The following PTPRD variants were observed in gnomAD, a reference collection of about 807,000 sequenced individuals.
The protein encoded by PTPRD is protein tyrosine phosphatase receptor type D.
A neutral mutation model predicts 214.5 loss-of-function variants in PTPRD; 34 were observed. That is an observed-to-expected ratio of 0.16 (90% confidence interval 0.12 to 0.21). The LOEUF is 0.21. Among genes scored for constraint, PTPRD ranks in the 10% least tolerant of loss-of-function variants. The pLI is 1.00. For synonymous variants in PTPRD, 1,128 were observed against 845.7 expected, an observed-to-expected ratio of 1.33 and a Z score of -5.79; for missense variants, 2,545 against 2,398.7, an observed-to-expected ratio of 1.06 and a Z score of -1.27.
rs1567062623 is a variant in PTPRD, at chr9:8,929,819, G to GTGTGTGTATATATGTGTGTGTATATATC, written c.-104+88877_-104+88878insGATATATACACACACATATATACACACA. On this transcript the variant is annotated intron_variant, in intron 11 of 45. Transcript: ENST00000381196. ...TGTGTGTATATATGTGTATATATAT[G>GTGTGTGTATATATGTGTGTGTATATATC]TGTATATATATGTGTATATATATGT... Among the ~76,000 whole-genome samples the GTGTGTGTATATATGTGTGTGTATATATC allele has an allele frequency of 4.4e-3, 332 of 75,690 alleles. 32 individuals carry two copies. The highest frequency in any genetic ancestry group is 0.014 in the African/African-American group (309 of 22,270). 49.7% of individuals were successfully genotyped at this position (75,690 alleles called of 152,430 possible).
chr9:8,456,129 A>G (rs533301618), intron 33 of PTPRD, among the ~76,000 whole-genome samples: 3 of 152,256 alleles, frequency 2.0e-5, no homozygotes, highest in Non-Finnish European at 2.9e-5. Flanking sequence ...TAATTATTCA[A>G]TATTTTTGTG....
At chr9:8,756,397 G>A (rs937898697) in intron 11 of PTPRD, among the ~76,000 whole-genome samples, 2 of 152,100 alleles carry the variant, frequency 1.3e-5, no homozygotes, top group African/African-American at 2.4e-5. Flanking sequence ...TTGTGTGAAA[G>A]TACATATATG....
At chr9:9,803,036 C>A (rs1450081871) in intron 5 of PTPRD, among the ~76,000 whole-genome samples, 1 of 151,820 alleles carries the variant, frequency 6.6e-6, no homozygotes, top group Non-Finnish European at 1.5e-5. Flanking sequence ...TCTGATCCAG[C>A]AAAACCTAAG....
intron 14 of PTPRD, among the ~76,000 whole-genome samples, chr9:8,573,507 T>C (rs904095991): frequency 6.6e-6 from 1 of 151,994 alleles, no homozygotes; most frequent in Non-Finnish European, 1.5e-5. Context: ...TCTGGGTCAA[T>C]GGCAATCAGC....
At chr9:10,544,192 A>G (rs1412529073) in intron 2 of PTPRD, among the ~76,000 whole-genome samples, 1 of 152,180 alleles carries the variant, frequency 6.6e-6, no homozygotes, top group African/African-American at 2.4e-5. Flanking sequence ...ACATATCTTT[A>G]TATATCATAA....
chr9:10,104,669 C>G (rs2098605981), intron 3 of PTPRD, among the ~76,000 whole-genome samples: 1 of 151,736 alleles, frequency 6.6e-6, no homozygotes, highest in Admixed American at 6.6e-5. Flanking sequence ...TATTAAAACG[C>G]CAGTACTTAT....
At chr9:8,585,475 T>C (rs2093573874) in intron 14 of PTPRD, among the ~76,000 whole-genome samples, 1 of 152,170 alleles carries the variant, frequency 6.6e-6, no homozygotes, top group South Asian at 2.1e-4. Context: ...TATGAATGCC[T>C]AAGCATGAAG....
At chr9:8,905,913 C>T (rs1329278212) in intron 11 of PTPRD, among the ~76,000 whole-genome samples, 11 of 152,120 alleles carry the variant, frequency 7.2e-5, no homozygotes, top group African/African-American at 2.7e-4. Context: ...CTACACATTA[C>T]CAAATGCAAA....
At chr9:8,750,933 C>G (rs2093460245) in intron 11 of PTPRD, among the ~76,000 whole-genome samples, 1 of 152,014 alleles carries the variant, frequency 6.6e-6, no homozygotes, top group Admixed American at 6.5e-5. Flanking sequence ...AAAAATGCAA[C>G]CTCCCCCGAC....
chr9:10,353,450 T>C (rs1279720330), intron 2 of PTPRD, among the ~76,000 whole-genome samples: 1 of 152,044 alleles, frequency 6.6e-6, no homozygotes, highest in Non-Finnish European at 1.5e-5. Flanking sequence ...CACATCATTA[T>C]AATAAGAACT....
At chr9:9,530,126 T>C (rs2075126411) in intron 8 of PTPRD, among the ~76,000 whole-genome samples, 1 of 151,760 alleles carries the variant, frequency 6.6e-6, no homozygotes, top group Non-Finnish European at 1.5e-5. Flanking sequence ...AAACTCAAAA[T>C]TGGCAGAAGG....
intron 11 of PTPRD, chr9:8,958,955 G>A (rs1467134126): frequency 6.6e-6 from 1 of 151,806 alleles, no homozygotes; most frequent in Non-Finnish European, 1.5e-5. Context: ...GTTAGTTTGA[G>A]TTGATTTTCT....
chr9:10,303,540 A>G (rs982176197), intron 3 of PTPRD, among the ~76,000 whole-genome samples: 1 of 152,164 alleles, frequency 6.6e-6, no homozygotes, highest in Non-Finnish European at 1.5e-5. Context: ...AAGAAAAGAG[A>G]GAAGGATCAA....
intron 11 of PTPRD, among the ~76,000 whole-genome samples, chr9:9,003,107 CTGTT>C (rs1011368909): frequency 7.2e-5 from 11 of 151,964 alleles, no homozygotes; most frequent in African/African-American, 2.4e-4. Flanking sequence ...TTAGGTAACT[CTGTT>C]TGGATCCCCT....
intron 14 of PTPRD, among the ~76,000 whole-genome samples, chr9:8,561,774 G>A (rs1161033145): frequency 6.7e-6 from 1 of 150,198 alleles, no homozygotes; most frequent in East Asian, 2.0e-4. Context: ...TTCCATTCAG[G>A]AGCAGTGTTG....
chr9:8,364,504 C>T (rs979424066), intron 39 of PTPRD, among the ~76,000 whole-genome samples: 1 of 152,188 alleles, frequency 6.6e-6, no homozygotes, highest in Non-Finnish European at 1.5e-5. Flanking sequence ...CCAAGCATAT[C>T]GACACTAAAA....
chr9:10,127,804 C>T (rs2098831014), intron 3 of PTPRD, among the ~76,000 whole-genome samples: 1 of 152,098 alleles, frequency 6.6e-6, no homozygotes, highest in Non-Finnish European at 1.5e-5. Context: ...TCCTCTCTTT[C>T]TAACATATTT....
At chr9:9,918,351 T>TA (rs3050147) in intron 5 of PTPRD, among the ~76,000 whole-genome samples, 5,494 of 101,796 alleles carry the variant, frequency 0.054, 269 homozygotes, top group African/African-American at 0.12. Flanking sequence ...ACCAAAGAGG[T>TA]AAAAAAAAAA....
intron 7 of PTPRD, among the ~76,000 whole-genome samples, chr9:9,612,305 G>C (rs1292477068): frequency 6.6e-6 from 1 of 152,126 alleles, no homozygotes; most frequent in Non-Finnish European, 1.5e-5. Flanking sequence ...CAGCTTGTGA[G>C]TATGCTTACT....
Sources: gnomAD v4.1 joint callset for allele counts (sites outside exome capture counted in the v4.1 genomes callset) on GRCh38, gnomAD v4.1.1 for gene constraint, MANE v1.5 for transcripts, NCBI Gene and HGNC (gene_info 2026-07-23, HGNC 2026-07-21) for gene names.